The following GRAMD2B variants were observed in gnomAD, a reference collection of about 807,000 sequenced individuals.
GRAMD2B encodes GRAM domain-containing protein 2B.
GRAMD2B carries 41 observed loss-of-function variants against 59.2 expected under a neutral mutation model. The ratio of observed to expected loss-of-function variants is 0.69; its 90% CI spans 0.54 to 0.90. GRAMD2B has a LOEUF of 0.90. Among genes scored for constraint, GRAMD2B ranks in the 40% least tolerant of loss-of-function variants. The pLI, the probability that GRAMD2B is intolerant of heterozygous loss-of-function variation, is 0.00. For missense variants in GRAMD2B, 424 were observed against 500.5 expected, an observed-to-expected ratio of 0.85 and a Z score of 1.46; for synonymous variants, 161 against 182.7, an observed-to-expected ratio of 0.88 and a Z score of 0.96.
At chr5:126,379,899 C>G (rs1755516548) in intron 1 of GRAMD2B, among the ~76,000 whole-genome samples, 1 of 152,160 alleles carries the variant, frequency 6.6e-6, no homozygotes, top group South Asian at 2.1e-4. Context: ...TTTTCAGAAG[C>G]TTTTTAGTTT....
chr5:126,380,595 T>C (rs1244425825), intron 1 of GRAMD2B, among the ~76,000 whole-genome samples: 1 of 152,168 alleles, frequency 6.6e-6, no homozygotes, highest in African/African-American at 2.4e-5. Context: ...TTTTGTAGTT[T>C]TCCTTGTAGA....
intron 1 of GRAMD2B, among the ~76,000 whole-genome samples, chr5:126,424,502 A>G (rs1024577877): frequency 6.6e-6 from 1 of 152,334 alleles, no homozygotes; most frequent in Admixed American, 6.5e-5. Context: ...CCACTTTGAA[A>G]TCATTTTAAG....
chr5:126,401,292 T>G (rs1195913150), intron 1 of GRAMD2B, among the ~76,000 whole-genome samples: 1 of 152,058 alleles, frequency 6.6e-6, no homozygotes, highest in African/African-American at 2.4e-5. Flanking sequence ...TTTGGTTCTT[T>G]TTTATTATTT....
rs779092080 is a variant in GRAMD2B, at chr5:126,492,917, A to T, written c.1260A>T (p.Ile420=). 5.6e-5 allele frequency: 89 copies of T among 1,603,538 alleles called. No homozygotes were observed. The highest frequency in any genetic ancestry group is 7.4e-5 in the Non-Finnish European group (87 of 1,170,634). The change falls in exon 14 of 14, where the codon ATA becomes ATT. Residue 420 remains isoleucine, a splice_region_variant and synonymous_variant. Transcript: ENST00000285689. ...LTANIVKLEK[I]QNNLQKLLEN... is the part of the protein sequence containing the mutation. Reference sequence around the variant, plus strand: ...AACTTCTTTTCTTTTATTTCAAGATACAAAATAACTTACAGAAGTTGCTTG... The same window carrying T: ...AACTTCTTTTCTTTTATTTCAAGATTCAAAATAACTTACAGAAGTTGCTTG...
Position 126,484,613 on chromosome 5 carries a change from C to G in GRAMD2B, c.970+89C>G, listed in dbSNP as rs112991624. ...TTTTTTTTTTTTAGACAGCATCTTG[C>G]TCTATCACCCAGGCTGCTGTAGTGC... On this transcript the variant is annotated intron_variant, in intron 10 of 13. Coordinates refer to ENST00000285689, the MANE Select transcript of GRAMD2B (RefSeq NM_023927.4). 30 of 1,334,294 alleles carry G rather than the reference C, an allele frequency of 2.2e-5. No individual in the cohort carries two copies. The African/African-American group carries it at 2.4e-4, about 11-fold the overall frequency. 82.7% of individuals were successfully genotyped at this position (1,334,294 alleles called of 1,614,324 possible).
intron 1 of GRAMD2B, among the ~76,000 whole-genome samples, chr5:126,386,708 C>T (rs1430620233): frequency 6.6e-6 from 1 of 152,224 alleles, no homozygotes; most frequent in Non-Finnish European, 1.5e-5. Context: ...TACTGCGCCA[C>T]CTTAGCCCCA....
At chr5:126,491,782 G>A (rs963108030) in intron 13 of GRAMD2B, among the ~76,000 whole-genome samples, 2 of 151,538 alleles carry the variant, frequency 1.3e-5, no homozygotes, top group Admixed American at 1.3e-4. Context: ...CACCCAGGCT[G>A]GAGTGCAGTG....
chr5:126,457,654 A>T, intron 1 of GRAMD2B, among the ~76,000 whole-genome samples: 1 of 152,072 alleles, frequency 6.6e-6, no homozygotes, highest in East Asian at 1.9e-4. Flanking sequence ...TTGTATATAT[A>T]TCATTGAGAA....
intron 3 of GRAMD2B, among the ~76,000 whole-genome samples, chr5:126,471,155 A>G (rs913032335): frequency 6.6e-6 from 1 of 152,040 alleles, no homozygotes; most frequent in Non-Finnish European, 1.5e-5. Context: ...CATTGAGACC[A>G]CTCTTGGTTT....
At chr5:126,364,827 A>C (rs1057442795) in intron 1 of GRAMD2B, among the ~76,000 whole-genome samples, 6 of 152,238 alleles carry the variant, frequency 3.9e-5, no homozygotes, top group Admixed American at 2.0e-4. Context: ...TTCATTCCCA[A>C]ACAAATCTTT....
upstream of GRAMD2B, among the ~76,000 whole-genome samples, chr5:126,371,041 C>A (rs1210619474): frequency 6.6e-6 from 1 of 152,132 alleles, no homozygotes; most frequent in Non-Finnish European, 1.5e-5. Flanking sequence ...TGGTCAGGCT[C>A]AGGTGGTTAG....
intron 1 of GRAMD2B, among the ~76,000 whole-genome samples, chr5:126,449,581 G>A (rs574831775): frequency 1.6e-4 from 24 of 152,304 alleles, no homozygotes; most frequent in African/African-American, 5.8e-4. Context: ...ATATGAGGGT[G>A]TTTTGGTTAA....
intron 1 of GRAMD2B, among the ~76,000 whole-genome samples, chr5:126,450,551 G>A (rs921445836): frequency 6.7e-6 from 1 of 148,782 alleles, no homozygotes; most frequent in Non-Finnish European, 1.5e-5. Context: ...TATCATTTCT[G>A]ACTCCTCCCA....
At chr5:126,421,496 T>G (rs1282372268), upstream of GRAMD2B, among the ~76,000 whole-genome samples, 1 of 152,176 alleles carries the variant, frequency 6.6e-6, no homozygotes. Flanking sequence ...CTTCAAGCTT[T>G]CAGGTCACCC....
intron 1 of GRAMD2B, among the ~76,000 whole-genome samples, chr5:126,412,899 G>A (rs758317626): frequency 6.6e-6 from 1 of 152,040 alleles, no homozygotes; most frequent in Non-Finnish European, 1.5e-5. Context: ...ATGTATGGAG[G>A]TGTTTATAAT....
chr5:126,474,031 C>T (rs1253846459), intron 5 of GRAMD2B, among the ~76,000 whole-genome samples: 1 of 152,198 alleles, frequency 6.6e-6, no homozygotes, highest in African/African-American at 2.4e-5. Context: ...TGGCACTGCC[C>T]TCTAAACTGG....
chr5:126,481,516 T>C (rs1771837259), intron 8 of GRAMD2B, among the ~76,000 whole-genome samples: 1 of 152,112 alleles, frequency 6.6e-6, no homozygotes, highest in South Asian at 2.1e-4. Flanking sequence ...TTAAAAGTAA[T>C]GGGATTGAAA....
In GRAMD2B at chr5:126,465,512, A is replaced by G. The variant is rs771106724; in HGVS notation, c.170A>G (p.Asp57Gly). 3 of 1,613,414 alleles carry G rather than the reference A, an allele frequency of 1.9e-6. No individual in the cohort carries two copies. Among genetic ancestry groups the G allele is most frequent in the African/African-American group, 2.7e-5 (2 of 74,664 alleles). Residue 57 changes from aspartate (D) to glycine (G), a missense_variant, in exon 2 of 14, where the codon GAC (aspartate) becomes GGC (glycine). Transcript: ENST00000285689. ...TCCCCTACCCCATCTGTGGAGGCGG[A>G]CTCCCCAGACCAGAAGAAAATCATT... The part of the protein sequence containing the change: ...AQSPTPSVEA[D>G]SPDQKKIISL...
At chr5:126,465,643 A>C (rs1561566072) in intron 2 of GRAMD2B, 98 bp downstream of exon 2, 4 of 1,036,418 alleles carry the variant, frequency 3.9e-6, no homozygotes, top group Non-Finnish European at 2.9e-6. Flanking sequence ...AGGATGTATT[A>C]ATACTATAGA....
Sources: gnomAD v4.1 joint callset for allele counts (sites outside exome capture counted in the v4.1 genomes callset) on GRCh38, gnomAD v4.1.1 for gene constraint, MANE v1.5 for transcripts, NCBI Gene and HGNC (gene_info 2026-07-23, HGNC 2026-07-21) for gene names.